The following MACROD2 variants were observed in gnomAD, a reference collection of about 807,000 sequenced individuals.
MACROD2 encodes the protein mono-ADP ribosylhydrolase 2.
In MACROD2, 36 loss-of-function variants were observed where a neutral mutation model predicts 70.4. That is an observed-to-expected ratio of 0.51 (90% CI 0.39 to 0.68). The LOEUF is 0.68. Ranked by LOEUF, MACROD2 falls within the 30% of genes least tolerant of loss-of-function variation. The pLI, the probability that MACROD2 is intolerant of heterozygous loss-of-function variation, is 0.00. For synonymous variants in MACROD2, 172 were observed against 178.8 expected, an observed-to-expected ratio of 0.96 and a Z score of 0.30; for missense variants, 496 against 538.4, an observed-to-expected ratio of 0.92 and a Z score of 0.78.
chr20:15,984,868 G>A (rs899957043), intron 13 of MACROD2, among the ~76,000 whole-genome samples: 1 of 152,072 alleles, frequency 6.6e-6, no homozygotes, highest in South Asian at 2.1e-4. Flanking sequence ...TTTTCTCTCT[G>A]CTGGTCTTTC....
At position 14,869,797 on chromosome 20, in the gene MACROD2, T is replaced by C. The variant is rs145186414; in HGVS notation, c.418+184838T>C. Among the ~76,000 whole-genome samples the C allele has an allele frequency of 1.7e-3, 266 of 152,284 alleles. 2 individuals carry two copies. Among genetic ancestry groups the C allele is most frequent in the Non-Finnish European group, 2.2e-3 (147 of 68,014 alleles). ...AGCCATTATTAGTTAAAGTAAATGC[T>C]ACATGCTATAATAGATAAACACTAA... On this transcript the variant is annotated intron_variant, in intron 5 of 17. Coordinates refer to ENST00000684519, the MANE Select transcript of MACROD2 (RefSeq NM_001351661.2).
intron 8 of MACROD2, among the ~76,000 whole-genome samples, chr20:15,643,366 C>T (rs1249733534): frequency 1.3e-5 from 2 of 152,348 alleles, no homozygotes; most frequent in African/African-American, 4.8e-5. Context: ...CATTTCTTAT[C>T]ATTCTGATGT....
rs758525902 is a variant in MACROD2 at position 14,326,062 on chromosome 20, A to T, written c.272-167417A>T. Reference sequence around the variant, plus strand: ...AAATAGGTAGAGGTTGCTGGTTTCCATGGGAACCATGCATACTTTATAGGG... The same window carrying T: ...AAATAGGTAGAGGTTGCTGGTTTCCTTGGGAACCATGCATACTTTATAGGG... On this transcript the variant is annotated intron_variant, in intron 3 of 17. Coordinates refer to ENST00000684519, the MANE Select transcript of MACROD2 (RefSeq NM_001351661.2). This position sits in a 1 kb window ranked among gnomAD's most constrained non-coding sequence, Gnocchi z 5.5. 3.7e-6 allele frequency: 6 copies of T among 1,613,962 alleles called. No homozygotes were observed. In the Admixed American group the frequency reaches 1.0e-4, roughly 27 times the overall value.
At chr20:15,090,135 G>T (rs1490916475) in intron 5 of MACROD2, among the ~76,000 whole-genome samples, 1 of 151,896 alleles carries the variant, frequency 6.6e-6, no homozygotes, top group Non-Finnish European at 1.5e-5. Context: ...AATTCTCAAA[G>T]ATATATGTTG....
At chr20:15,309,184 A>C (rs1235703977) in intron 6 of MACROD2, among the ~76,000 whole-genome samples, 5 of 152,148 alleles carry the variant, frequency 3.3e-5, no homozygotes, top group Admixed American at 2.0e-4. Context: ...ATACAAACTC[A>C]TGTGTTCAAC....
intron 5 of MACROD2, among the ~76,000 whole-genome samples, chr20:14,917,959 A>G (rs149177576): frequency 2.6e-5 from 4 of 152,118 alleles, no homozygotes; most frequent in African/African-American, 9.6e-5. Context: ...GTAATGCGGT[A>G]TACGGAAGGA....
At chr20:15,699,810 G>C (rs1001217481) in intron 8 of MACROD2, among the ~76,000 whole-genome samples, 1 of 152,180 alleles carries the variant, frequency 6.6e-6, no homozygotes, top group Non-Finnish European at 1.5e-5. Flanking sequence ...AGTTCGACTA[G>C]AGAATTCCTT....
intron 8 of MACROD2, among the ~76,000 whole-genome samples, chr20:15,586,195 T>C (rs1464915442): frequency 6.6e-6 from 1 of 152,220 alleles, no homozygotes; most frequent in Admixed American, 6.5e-5. Flanking sequence ...TGAGATCCAC[T>C]AGAGGACCTT....
intron 3 of MACROD2, among the ~76,000 whole-genome samples, chr20:14,282,030 G>T (rs1482675485): frequency 6.7e-6 from 1 of 150,302 alleles, no homozygotes; most frequent in Admixed American, 6.6e-5. Flanking sequence ...GTATTCCAAA[G>T]AAAAATATTA....
intron 5 of MACROD2, among the ~76,000 whole-genome samples, chr20:14,983,003 CA>C (rs2074815615): frequency 6.6e-6 from 1 of 152,200 alleles, no homozygotes; most frequent in African/African-American, 2.4e-5. Flanking sequence ...CCTGCAAAGC[CA>C]CAGGGGTGGA....
intron 3 of MACROD2, among the ~76,000 whole-genome samples, chr20:14,171,695 C>A (rs2081222103): frequency 6.6e-6 from 1 of 152,092 alleles, no homozygotes. Context: ...CCACTGTGGT[C>A]TGAGAGAGTT....
At chr20:15,160,264 A>G (rs2076339228) in intron 5 of MACROD2, among the ~76,000 whole-genome samples, 1 of 152,030 alleles carries the variant, frequency 6.6e-6, no homozygotes. Flanking sequence ...AGTGGAATGG[A>G]GAAAGAGGAT....
At chr20:14,474,037 C>T (rs1005228643) in intron 3 of MACROD2, among the ~76,000 whole-genome samples, 2 of 151,662 alleles carry the variant, frequency 1.3e-5, no homozygotes, top group Non-Finnish European at 2.9e-5. Context: ...TGCTTTGGAG[C>T]TGCTTGAGTT....
At chr20:15,517,277 T>C (rs555246549) in intron 8 of MACROD2, among the ~76,000 whole-genome samples, 115 of 152,272 alleles carry the variant, frequency 7.6e-4, no homozygotes, top group African/African-American at 2.7e-3. Context: ...CCCCCACTTA[T>C]AAGGCTCTTC....
intron 2 of MACROD2, among the ~76,000 whole-genome samples, chr20:14,010,349 A>T (rs1006484656): frequency 6.6e-6 from 1 of 151,930 alleles, no homozygotes; most frequent in East Asian, 1.9e-4. Flanking sequence ...GCTTAGGAGG[A>T]TGGGGGGCTG....
intron 17 of MACROD2, among the ~76,000 whole-genome samples, chr20:16,049,460 T>G (rs2067428475): frequency 6.6e-6 from 1 of 152,128 alleles, no homozygotes; most frequent in Non-Finnish European, 1.5e-5. Context: ...TTATGAAAAT[T>G]GTTATTATTT....
At chr20:15,598,027 C>G (rs998278314) in intron 8 of MACROD2, among the ~76,000 whole-genome samples, 2 of 19,012 alleles carry the variant, frequency 1.1e-4, no homozygotes, top group African/African-American at 7.2e-4. Flanking sequence ...TGCAGTGAGC[C>G]AAGATTGTGC....
At chr20:15,838,646 G>A (rs2064139022) in intron 8 of MACROD2, among the ~76,000 whole-genome samples, 1 of 152,182 alleles carries the variant, frequency 6.6e-6, no homozygotes, top group South Asian at 2.1e-4. Context: ...ATGACTGTGA[G>A]ATAAAATCCG....
intron 8 of MACROD2, among the ~76,000 whole-genome samples, chr20:15,723,274 C>T (rs185617404): frequency 8.6e-4 from 131 of 152,288 alleles, no homozygotes; most frequent in African/African-American, 3.0e-3. Context: ...AATCCATGAA[C>T]CTACATTTAC....
Sources: gnomAD v4.1 joint callset for allele counts (sites outside exome capture counted in the v4.1 genomes callset) on GRCh38, gnomAD v4.1.1 for gene constraint, Gnocchi (gnomAD v3.1) non-coding constraint, MANE v1.5 for transcripts, NCBI Gene and HGNC (gene_info 2026-07-23, HGNC 2026-07-21) for gene names.